Variants in CMYA5 observed in about 807,000 individuals in gnomAD.
CMYA5 encodes cardiomyopathy-associated protein 5.
CMYA5 carries 246 observed loss-of-function variants against 318.9 expected under a neutral mutation model. The observed-to-expected ratio is 0.77, with a 90% CI of 0.70 to 0.86. The LOEUF (loss-of-function observed/expected upper bound fraction) is 0.86. CMYA5 is among the 40% of genes least tolerant of loss of function. The pLI is 0.00. For synonymous variants in CMYA5, 1,641 were observed against 1,729.5 expected (o/e 0.95, Z 1.27); for missense variants, 4,589 against 4,678.2 (o/e 0.98, Z 0.56).
chr5:79,706,496 A>G lies in CMYA5; in HGVS notation c.149+16440A>G, dbSNP rs955513432. Among the ~76,000 whole-genome samples the G allele has an allele frequency of 6.6e-5, 10 of 152,358 alleles. No homozygotes were observed. In the South Asian group the frequency reaches 1.9e-3, roughly 28 times the overall value. ...ACAACCGGTTAGACCAGAAATTCTC[A>G]GAACGGAGTACGCCTTAACCCTAAA... is the stretch of plus-strand genomic sequence containing the variant. On this transcript the variant is annotated intron_variant, in intron 1 of 12. Coordinates refer to ENST00000446378, the MANE Select transcript of CMYA5 (RefSeq NM_153610.5).
In CMYA5 at chr5:79,731,514, G is replaced by A. The variant is rs777132648; in HGVS notation, c.2749G>A (p.Glu917Lys). ...TGCAACACCGGAGGCACAGGAGGAA[G>A]AAATTGTCCATAGATCTCTAAATCT... Reference protein sequence around the residue: ...PYATPEAQEEEIVHRSLNLKG... With the variant: ...PYATPEAQEEKIVHRSLNLKG... Residue 917 changes from glutamate (E) to lysine (K), a missense_variant, in exon 2 of 13, where the codon GAA becomes AAA. Glu to Lys is a moderately conservative substitution (Grantham distance 56, BLOSUM62 1). Coordinates refer to ENST00000446378, the MANE Select transcript of CMYA5 (RefSeq NM_153610.5). 1.2e-6 allele frequency: 2 copies of A among 1,603,602 alleles called. No homozygotes were observed. Among genetic ancestry groups the A allele is most frequent in the Non-Finnish European group, 1.7e-6 (2 of 1,174,890 alleles).
At chr5:79,753,448 G>A (rs6453481) in intron 6 of CMYA5, among the ~76,000 whole-genome samples, 43,145 of 151,920 alleles carry the variant, frequency 0.28, 8,368 homozygotes, top group African/African-American at 0.54. Flanking sequence ...ACATGCTCAG[G>A]TGTCCTCCTT....
At chr5:79,788,292 T>G (rs971619078) in intron 9 of CMYA5, among the ~76,000 whole-genome samples, 3 of 151,698 alleles carry the variant, frequency 2.0e-5, no homozygotes, top group Admixed American at 2.0e-4. Context: ...AGCACAAAAC[T>G]ATTCTAGCTT....
At chr5:79,759,338 T>A (rs1417226550) in intron 7 of CMYA5, among the ~76,000 whole-genome samples, 1 of 152,258 alleles carries the variant, frequency 6.6e-6, no homozygotes, top group Non-Finnish European at 1.5e-5. Context: ...CACAATGACC[T>A]GAATGCAAAT....
At chr5:79,740,622 C>A (rs1302421831) in intron 2 of CMYA5, among the ~76,000 whole-genome samples, 2 of 151,996 alleles carry the variant, frequency 1.3e-5, no homozygotes, top group Admixed American at 6.6e-5. Context: ...CTGTAGGACC[C>A]CAGTGTTCCA....
chr5:79,732,874 A>G lies in CMYA5; in HGVS notation c.4109A>G (p.Lys1370Arg). Residue 1370 changes from lysine (K) to arginine (R), a missense_variant, in exon 2 of 13, where the codon AAA (lysine) becomes AGA (arginine). Transcript: ENST00000446378. ...KLDSNLTRAV[K>R]EEIPTDSSLI... ...GATTCAAACTTAACCAGAGCAGTAA[A>G]AGAAGAAATCCCAACAGATTCATCT... 2 of 1,613,808 alleles carry G rather than the reference A, an allele frequency of 1.2e-6. No homozygotes were observed. Among genetic ancestry groups the G allele is most frequent in the Non-Finnish European group, 1.7e-6 (2 of 1,179,818 alleles).
chr5:79,731,999 A>C lies in CMYA5; in HGVS notation c.3234A>C (p.Leu1078Phe). 6.2e-7 allele frequency: 1 copy of C among 1,613,944 alleles called. No homozygotes were observed. The highest frequency in any genetic ancestry group is 1.1e-5 in the South Asian group (1 of 91,074). The part of the protein sequence containing the change: ...TFPLMSPLED[L>F]SLPPSTDKSE... ...CTTTGATGTCTCCGCTTGAAGACTTAAGTCTGCCGCCTTCAACAGATAAAT... is the reference window on the plus strand; with the variant it reads ...CTTTGATGTCTCCGCTTGAAGACTTCAGTCTGCCGCCTTCAACAGATAAAT... Residue 1078 changes from leucine to phenylalanine, a missense_variant, in exon 2 of 13, where the codon TTA becomes TTC. By Grantham distance (22) the Leu-to-Phe change is conservative. This residue lies in a region of CMYA5 where 2,132 missense variants were observed against 2,131.3 expected (regional missense o/e 1.00). Coordinates refer to ENST00000446378, the MANE Select transcript of CMYA5 (RefSeq NM_153610.5).
intron 11 of CMYA5, among the ~76,000 whole-genome samples, chr5:79,792,264 C>G (rs1363195604): frequency 6.6e-6 from 1 of 152,174 alleles, no homozygotes; most frequent in Non-Finnish European, 1.5e-5. Flanking sequence ...TTGAATCCCT[C>G]AAATCTAGCA....
chr5:79,792,455 T>G, intron 11 of CMYA5, among the ~76,000 whole-genome samples: 1 of 152,192 alleles, frequency 6.6e-6, no homozygotes, highest in East Asian at 1.9e-4. Flanking sequence ...AACTGTAATG[T>G]GTTTTATAGA....
chr5:79,784,845 A>G (rs1171426004), intron 9 of CMYA5, among the ~76,000 whole-genome samples: 1 of 150,606 alleles, frequency 6.6e-6, no homozygotes, highest in East Asian at 2.0e-4. Context: ...TGAACCCGGT[A>G]CCTCAGATGG....
At chr5:79,758,502 A>G (rs1561221723) in intron 6 of CMYA5, among the ~76,000 whole-genome samples, 1 of 152,178 alleles carries the variant, frequency 6.6e-6, no homozygotes. Flanking sequence ...ACTGCACTCC[A>G]GCCTGGGTGA....
rs1455989325 is a variant in CMYA5 at position 79,733,761 on chromosome 5, G to T, written c.4996G>T (p.Asp1666Tyr). 1 of 1,613,440 alleles carries T rather than the reference G, an allele frequency of 6.2e-7. No individual in the cohort carries two copies. Among genetic ancestry groups the T allele is most frequent in the Non-Finnish European group, 8.5e-7 (1 of 1,179,728 alleles). Residue 1666 changes from aspartate (D) to tyrosine (Y), a missense_variant, in exon 2 of 13, where the codon GAT becomes TAT. Physicochemically the swap from Asp to Tyr is radical, Grantham distance 160. Coordinates refer to ENST00000446378, the MANE Select transcript of CMYA5 (RefSeq NM_153610.5). ...AAAGTCTCCCATAACTGAAACAGAG[G>T]ATTCTGTTTTAGAAAAAGGCCCAGC... Reference protein sequence around the residue: ...QAKSPITETEDSVLEKGPAEL... With the variant: ...QAKSPITETEYSVLEKGPAEL...
chr5:79,715,400 G>A (rs915122537), intron 1 of CMYA5, among the ~76,000 whole-genome samples: 1 of 151,940 alleles, frequency 6.6e-6, no homozygotes, highest in Non-Finnish European at 1.5e-5. Context: ...CCACTCTCCC[G>A]CCTCAGCCTC....
chr5:79,790,153 A>G (rs1314526481), intron 10 of CMYA5, among the ~76,000 whole-genome samples: 1 of 152,130 alleles, frequency 6.6e-6, no homozygotes, highest in Non-Finnish European at 1.5e-5. Flanking sequence ...GGCCAGCCTG[A>G]TGTTTATGAA....
intron 5 of CMYA5, among the ~76,000 whole-genome samples, chr5:79,750,805 C>T (rs934236568): frequency 7.9e-5 from 12 of 152,160 alleles, no homozygotes; most frequent in Non-Finnish European, 1.8e-4. Context: ...AAAAGGATGT[C>T]TGCCTGCCTT....
In CMYA5 at chr5:79,736,627, C is replaced by A. The variant is rs779463891; in HGVS notation, c.7862C>A (p.Pro2621His). 18 of 1,613,668 alleles carry A rather than the reference C, an allele frequency of 1.1e-5. No homozygotes were observed. The Admixed American group carries it at 2.8e-4, about 25-fold the overall frequency. ...AAGGCAGTAGGAACCCAACCACATCCTTTAGAAGAAAGTAAAGTTTTGGTG... is the reference window on the plus strand; with the variant it reads ...AAGGCAGTAGGAACCCAACCACATCATTTAGAAGAAAGTAAAGTTTTGGTG... ...EAKAVGTQPH[P>H]LEESKVLVEK... The change falls in exon 2 of 13, where the codon CCT (proline) becomes CAT (histidine). Residue 2621 changes from proline (P) to histidine (H), a missense_variant. Pro to His is a moderately conservative substitution (Grantham distance 77). Coordinates refer to ENST00000446378, the MANE Select transcript of CMYA5 (RefSeq NM_153610.5).
rs1247857577 is a variant in CMYA5 at position 79,736,083 on chromosome 5, A to C, written c.7318A>C (p.Lys2440Gln). The C allele has an allele frequency of 6.2e-7, 1 of 1,612,234 alleles. No homozygotes were observed. Among genetic ancestry groups the C allele is most frequent in the Non-Finnish European group, 8.5e-7 (1 of 1,179,526 alleles). The change falls in exon 2 of 13, where the codon AAA (lysine) becomes CAA (glutamine). Residue 2440 changes from lysine (K) to glutamine (Q), a missense_variant. Transcript: ENST00000446378. ...AGAAATGCAAAATCCTACTTCCTTGAAAATTTCTGAAGAGGAAACAAAACT... is the reference window on the plus strand; with the variant it reads ...AGAAATGCAAAATCCTACTTCCTTGCAAATTTCTGAAGAGGAAACAAAACT... ...KKEMQNPTSL[K>Q]ISEEETKLRS...
Position 79,738,531 on chromosome 5 carries a change from A to T in CMYA5, c.9766A>T (p.Lys3256Ter), listed in dbSNP as rs1828137967. 1 of 1,613,314 alleles carries T rather than the reference A, an allele frequency of 6.2e-7. No homozygotes were observed. Residue 3256 changes from lysine to a stop codon, truncating the protein, a stop_gained, in exon 2 of 13, where the codon AAG (lysine) becomes TAG (stop). Transcript: ENST00000446378. LOFTEE classifies it high-confidence loss of function. Reference protein sequence around the residue: ...DILHDTSLTQKDQGQGLEEKR... With the variant: ...DILHDTSLTQ ...TCTCCATGACACATCTCTAACTCAA[A>T]AGGACCAGGGCCAAGGTCTGGAAGA...
intron 9 of CMYA5, among the ~76,000 whole-genome samples, chr5:79,786,118 G>A (rs900815816): frequency 2.0e-5 from 3 of 152,220 alleles, no homozygotes; most frequent in Non-Finnish European, 2.9e-5. Context: ...GCTACCAAGG[G>A]TGAGATGAGC....
Sources: allele counts gnomAD v4.1 joint callset (sites outside exome capture counted in the v4.1 genomes callset), GRCh38; gene constraint gnomAD v4.1.1; regional missense constraint gnomAD v4.1.1; transcripts MANE v1.5; gene names NCBI Gene and HGNC (gene_info 2026-07-23, HGNC 2026-07-21).